Variants in CDC42BPA observed in about 807,000 individuals in gnomAD.
CDC42BPA encodes the protein serine/threonine-protein kinase MRCK alpha.
A neutral mutation model predicts 223.5 loss-of-function variants in CDC42BPA; 80 were observed. The ratio of observed to expected loss-of-function variants is 0.36; its 90% CI spans 0.30 to 0.43. The LOEUF (loss-of-function observed/expected upper bound fraction) is 0.43, where lower values mean the gene tolerates loss of function less well. Ranked by LOEUF, CDC42BPA falls within the 20% of genes least tolerant of loss-of-function variation. CDC42BPA has a pLI of 1.00. For synonymous variants in CDC42BPA, 694 were observed against 718.6 expected, an observed-to-expected ratio of 0.97 and a Z score of 0.55; for missense variants, 1,743 against 2,099.9, an observed-to-expected ratio of 0.83 and a Z score of 3.32.
intron 1 of CDC42BPA, among the ~76,000 whole-genome samples, chr1:227,259,193 T>C (rs972337831): frequency 1.3e-5 from 2 of 150,922 alleles, no homozygotes; most frequent in East Asian, 3.9e-4. Context: ...CAAGTGCATA[T>C]TGTGAGGCCC....
At chr1:227,104,917 T>G (rs1256226104) in intron 14 of CDC42BPA, among the ~76,000 whole-genome samples, 1 of 152,068 alleles carries the variant, frequency 6.6e-6, no homozygotes, top group Non-Finnish European at 1.5e-5. Context: ...CCACCCAGTG[T>G]GTGGTACTTC....
chr1:227,050,177 G>C (rs1673253276), intron 22 of CDC42BPA, among the ~76,000 whole-genome samples: 3 of 152,010 alleles, frequency 2.0e-5, no homozygotes, highest in South Asian at 4.1e-4. Context: ...TGATTCAATA[G>C]AACAACAAAG....
At chr1:227,191,041 C>A (rs1295392734) in intron 5 of CDC42BPA, among the ~76,000 whole-genome samples, 1 of 151,906 alleles carries the variant, frequency 6.6e-6, no homozygotes, top group Non-Finnish European at 1.5e-5. Flanking sequence ...GAACCAATGA[C>A]TAAAATAAAA....
intron 21 of CDC42BPA, among the ~76,000 whole-genome samples, chr1:227,053,039 T>G (rs777282903): frequency 7.9e-5 from 12 of 152,198 alleles, no homozygotes; most frequent in Non-Finnish European, 1.8e-4. Context: ...AAGGTTCCCC[T>G]AGAAATTAAC....
chr1:227,194,111 T>C (rs1670258283), intron 4 of CDC42BPA, among the ~76,000 whole-genome samples, 177 bp from the exon 5 acceptor site: 1 of 152,126 alleles, frequency 6.6e-6, no homozygotes, highest in Non-Finnish European at 1.5e-5. Flanking sequence ...ACTTCTAAAT[T>C]TCATACAGCA....
chr1:227,111,488 G>A (rs1471463916), intron 14 of CDC42BPA, among the ~76,000 whole-genome samples: 2 of 151,982 alleles, frequency 1.3e-5, no homozygotes, highest in Non-Finnish European at 2.9e-5. Context: ...GAGGTTAAAT[G>A]TTGTTTTGTT....
chr1:227,212,545 C>G (rs1406922939), intron 3 of CDC42BPA, among the ~76,000 whole-genome samples: 1 of 152,074 alleles, frequency 6.6e-6, no homozygotes, highest in African/African-American at 2.4e-5. Context: ...GAAGTCCACT[C>G]CAAATCTATG....
At chr1:227,278,380 C>T (rs1687475460) in intron 1 of CDC42BPA, among the ~76,000 whole-genome samples, 1 of 152,134 alleles carries the variant, frequency 6.6e-6, no homozygotes, top group South Asian at 2.1e-4. Flanking sequence ...AAAATGTCCA[C>T]AACATAATCT....
At chr1:227,236,913 C>T (rs913930960) in intron 2 of CDC42BPA, among the ~76,000 whole-genome samples, 1 of 152,006 alleles carries the variant, frequency 6.6e-6, no homozygotes, top group Non-Finnish European at 1.5e-5. Flanking sequence ...TGTGGTGACA[C>T]ATGCCTGTGG....
At chr1:227,224,475 G>A (rs1033848562) in intron 2 of CDC42BPA, among the ~76,000 whole-genome samples, 5 of 151,880 alleles carry the variant, frequency 3.3e-5, no homozygotes, top group African/African-American at 4.8e-5. Context: ...CAGGTGATGC[G>A]CCCACTTCGG....
At chr1:227,258,763 A>C (rs138490020) in intron 1 of CDC42BPA, among the ~76,000 whole-genome samples, 9 of 151,314 alleles carry the variant, frequency 5.9e-5, no homozygotes, top group African/African-American at 2.0e-4. Context: ...ATTTAACAAA[A>C]GTGCTTTTAT....
At chr1:227,048,500 G>C (rs193141165) in intron 22 of CDC42BPA, among the ~76,000 whole-genome samples, 24 of 151,770 alleles carry the variant, frequency 1.6e-4, no homozygotes, top group Middle Eastern at 3.4e-3. Flanking sequence ...CTGACACTGG[G>C]ATTTTTGTGC....
chr1:227,028,055 G>A (rs1024585349), intron 30 of CDC42BPA, among the ~76,000 whole-genome samples: 3 of 151,832 alleles, frequency 2.0e-5, no homozygotes, highest in Admixed American at 2.0e-4. Flanking sequence ...AAGAGTTGGA[G>A]GCTGCAGTGG....
intron 29 of CDC42BPA, 78 bp from the exon 30 acceptor site, chr1:227,029,328 A>C (rs368161823): frequency 2.1e-6 from 2 of 949,076 alleles, no homozygotes; most frequent in Non-Finnish European, 1.5e-6. Flanking sequence ...AAAGGATGTA[A>C]GTCAACTTAC....
intron 5 of CDC42BPA, among the ~76,000 whole-genome samples, chr1:227,186,773 T>C (rs1668840531): frequency 6.6e-6 from 1 of 152,146 alleles, no homozygotes; most frequent in Non-Finnish European, 1.5e-5. Context: ...CAAAATTTAG[T>C]AGGCCCAGAG....
At chr1:227,028,351 G>A (rs1188265670) in intron 30 of CDC42BPA, among the ~76,000 whole-genome samples, 1 of 152,038 alleles carries the variant, frequency 6.6e-6, no homozygotes, top group Non-Finnish European at 1.5e-5. Context: ...CATATTTTGG[G>A]GGACCATGAG....
In CDC42BPA at chr1:227,030,410, T is replaced by C. The variant is rs1669063441; in HGVS notation, c.3836A>G (p.Asp1279Gly). The change falls in exon 29 of 37, where the codon GAT becomes GGT. Residue 1279 changes from aspartate (D) to glycine (G), a missense_variant and splice_region_variant. Physicochemically the swap from Asp to Gly is moderately conservative, Grantham distance 94 (BLOSUM62 -1). Coordinates refer to ENST00000366766, the MANE Select transcript of CDC42BPA (RefSeq NM_001394014.1). ...AAAAAAAAAAAGTTTTCTCTTACCA[T>C]CTTTGGTGACATGTACAACAAATAA... The part of the protein sequence containing the change: ...EGLFVVHVTK[D>G]EIIRVGDNKK... 1.9e-6 allele frequency: 3 copies of C among 1,586,320 alleles called. No individual in the cohort carries two copies. The highest frequency in any genetic ancestry group is 1.2e-5 in the South Asian group (1 of 86,212).
intron 23 of CDC42BPA, among the ~76,000 whole-genome samples, chr1:227,043,283 T>C (rs904784778): frequency 6.6e-6 from 1 of 151,898 alleles, no homozygotes; most frequent in East Asian, 1.9e-4. Context: ...CATGGTGGCA[T>C]GCGCCTATAG....
chr1:227,011,752 C>G (rs1055169131), intron 34 of CDC42BPA, among the ~76,000 whole-genome samples: 8 of 151,994 alleles, frequency 5.3e-5, no homozygotes, highest in African/African-American at 1.9e-4. Flanking sequence ...CTTTTGAATC[C>G]AAGGACTATT....
Sources: allele counts gnomAD v4.1 joint callset (sites outside exome capture counted in the v4.1 genomes callset), GRCh38; gene constraint gnomAD v4.1.1; transcripts MANE v1.5; gene names NCBI Gene and HGNC (gene_info 2026-07-23, HGNC 2026-07-21).